RYR3: variants seen among roughly 807,000 people sequenced by gnomAD.
The protein encoded by RYR3 is ryanodine receptor 3.
In RYR3, 207 loss-of-function variants were observed where a neutral mutation model predicts 584.3. That is an observed-to-expected ratio of 0.35 (90% CI 0.32 to 0.40). RYR3 has a LOEUF of 0.40. Among genes scored for constraint, RYR3 ranks in the 10% least tolerant of loss-of-function variants. The pLI is 1.00. For missense variants in RYR3, 5,616 were observed against 6,089.2 expected (o/e 0.92, Z 2.59); for synonymous variants, 2,416 against 2,248.5 (o/e 1.07, Z -2.11).
chr15:33,386,711 A>G (rs1449752325), intron 1 of RYR3, among the ~76,000 whole-genome samples: 2 of 152,076 alleles, frequency 1.3e-5, no homozygotes, highest in African/African-American at 4.8e-5. Flanking sequence ...TCTGGCAACC[A>G]CCATTCAATT....
At chr15:33,727,347 A>G (rs567922861) in intron 46 of RYR3, among the ~76,000 whole-genome samples, 1 of 152,178 alleles carries the variant, frequency 6.6e-6, no homozygotes, top group Non-Finnish European at 1.5e-5. Flanking sequence ...AACCGTTGTC[A>G]TGTTTCCCAA....
chr15:33,788,560 A>C, intron 67 of RYR3, 102 bp downstream of exon 67: 1 of 1,369,456 alleles, frequency 7.3e-7, no homozygotes, highest in Non-Finnish European at 9.9e-7. Context: ...CAGTGAGATA[A>C]AGGAGGCGAT....
intron 53 of RYR3, among the ~76,000 whole-genome samples, chr15:33,746,822 C>T (rs62012617): frequency 0.7 from 99,484 of 141,574 alleles, 35,004 homozygotes; most frequent in East Asian, 0.87. Flanking sequence ...TTTTTTTTCT[C>T]TTTTGAGGCA....
chr15:33,635,899 C>T, intron 26 of RYR3, 80 bp downstream of exon 26: 16 of 1,232,454 alleles, frequency 1.3e-5, no homozygotes, highest in Non-Finnish European at 1.7e-5. Flanking sequence ...GCTCAAATTA[C>T]TGGATCTCTG....
Position 33,464,301 on chromosome 15 carries a change from C to T in RYR3, c.52-9118C>T, listed in dbSNP as rs939954029. 1.1e-4 allele frequency among the ~76,000 whole-genome samples: 16 copies of T among 151,518 alleles called. No individual in the cohort carries two copies. In the East Asian group the frequency reaches 3.1e-3, roughly 30 times the overall value. On this transcript the variant is annotated intron_variant, in intron 1 of 103. Coordinates refer to ENST00000634891, the MANE Select transcript of RYR3 (RefSeq NM_001036.6). Reference sequence around the variant, plus strand: ...CCTAAAGGAAGTGAGGGAGGGAGCCCTCCAGGTATGTGGGGGAAGCACATC... The same window carrying T: ...CCTAAAGGAAGTGAGGGAGGGAGCCTTCCAGGTATGTGGGGGAAGCACATC...
intron 86 of RYR3, among the ~76,000 whole-genome samples, chr15:33,833,492 G>A (rs1463492829): frequency 6.6e-6 from 1 of 152,202 alleles, no homozygotes; most frequent in Non-Finnish European, 1.5e-5. Context: ...TCACTCAAGC[G>A]TTATAAGGAC....
chr15:33,540,885 A>G lies in RYR3; in HGVS notation c.641A>G (p.Glu214Gly). The G allele has an allele frequency of 6.2e-7, 1 of 1,606,506 alleles. No homozygotes were observed. The highest frequency in any genetic ancestry group is 8.5e-7 in the Non-Finnish European group (1 of 1,173,304). The change falls in exon 7 of 104, where the codon GAA becomes GGA. Residue 214 changes from glutamate to glycine, a missense_variant. Physicochemically the swap from Glu to Gly is moderately conservative, Grantham distance 98. Around this residue, in one of 9 missense-constraint regions of RYR3, gnomAD observed 1,284 missense variants for 1,344.6 expected, o/e 0.95. Coordinates refer to ENST00000634891, the MANE Select transcript of RYR3 (RefSeq NM_001036.6). ...VHPTCSGSSI[E>G]EGYLLGGHVV... The stretch of plus-strand genomic sequence containing the variant: ...CCTACGTGCTCAGGAAGTAGCATCG[A>G]AGAAGGTGTGCTTCTTTAAATGCAT...
intron 20 of RYR3, among the ~76,000 whole-genome samples, chr15:33,624,735 C>T (rs11632361): frequency 0.29 from 44,796 of 152,092 alleles, 7,546 homozygotes; most frequent in Non-Finnish European, 0.38. Flanking sequence ...CGTGGTATTA[C>T]AAGGGGCATG....
intron 62 of RYR3, 44 bp from the exon 63 acceptor site, chr15:33,771,876 A>C (rs753559645): frequency 1.4e-6 from 2 of 1,468,456 alleles, no homozygotes; most frequent in East Asian, 4.7e-5. Flanking sequence ...GATTGGCCAA[A>C]AGTTCAGATT....
rs1166460588 is a variant in RYR3, at chr15:33,865,423, A to ACCTGT, written c.*199_*203dup. On this transcript the variant is annotated 3_prime_UTR_variant, in exon 104 of 104. Transcript: ENST00000634891. ...TAATGGACATACACTGTGGGAGAGAACCTGTCAAAATGTCGAAGAAGGAAG... is the reference window on the plus strand; with the variant it reads ...TAATGGACATACACTGTGGGAGAGAACCTGTCCTGTCAAAATGTCGAAGAAGGAAG... 1.1e-4 allele frequency: 58 copies of ACCTGT among 520,098 alleles called. 1 individual carries two copies. In the Admixed American group the frequency reaches 2.0e-3, roughly 18 times the overall value. 32.2% of individuals were successfully genotyped at this position (520,098 alleles called of 1,614,324 possible).
intron 1 of RYR3, among the ~76,000 whole-genome samples, chr15:33,365,194 C>A (rs565766835): frequency 6.6e-6 from 1 of 152,172 alleles, no homozygotes; most frequent in African/African-American, 2.4e-5. Flanking sequence ...ACTGGATAAC[C>A]CTCCTCCTTG....
rs530112209 is a variant in RYR3, at chr15:33,551,304, T to C, written c.972+988T>C. 6.9e-4 allele frequency among the ~76,000 whole-genome samples: 105 copies of C among 152,348 alleles called. 1 individual carries two copies. Among genetic ancestry groups the C allele is most frequent in the African/African-American group, 2.5e-3 (105 of 41,588 alleles). The stretch of plus-strand genomic sequence containing the variant: ...ACCTTTAGTTTCATTCTTTGCTCTT[T>C]TCCAGAAATAAATCTTGATATGTGT... On this transcript the variant is annotated intron_variant, in intron 10 of 103. Coordinates refer to ENST00000634891, the MANE Select transcript of RYR3 (RefSeq NM_001036.6).
chr15:33,691,113 AAGT>A lies in RYR3; in HGVS notation c.5861-5098_5861-5096del, dbSNP rs542848512. 6.0e-4 allele frequency among the ~76,000 whole-genome samples: 92 copies of A among 152,216 alleles called. 1 individual carries two copies. Among genetic ancestry groups the A allele is most frequent in the African/African-American group, 2.2e-3 (90 of 41,562 alleles). On this transcript the variant is annotated intron_variant, in intron 38 of 103. Transcript: ENST00000634891. ...TTCTTCTGTAAAACTATATCTGAAC[AAGT>A]AGTAGTTTCTGAAAAGTTAGTTGGC... is the stretch of plus-strand genomic sequence containing the variant.
chr15:33,490,701 T>C (rs1421390785), intron 2 of RYR3, among the ~76,000 whole-genome samples: 3 of 150,628 alleles, frequency 2.0e-5, no homozygotes, highest in Non-Finnish European at 4.4e-5. Flanking sequence ...AATATTATCC[T>C]TCAGAAAATT....
chr15:33,670,322 C>A, intron 37 of RYR3, 97 bp from the exon 38 acceptor site: 1 of 1,278,478 alleles, frequency 7.8e-7, no homozygotes, highest in Non-Finnish European at 1.1e-6. Context: ...TTAGAAAGTT[C>A]CAGAAGGATG....
At chr15:33,636,571 C>A (rs761546063) in intron 27 of RYR3, 21 bp downstream of exon 27, 1 of 1,554,462 alleles carries the variant, frequency 6.4e-7, no homozygotes, top group South Asian at 1.3e-5. Context: ...CACCCTCTGC[C>A]AACCCCAGCT....
At position 33,838,733 on chromosome 15, in the gene RYR3, G is replaced by C. The variant is rs1244182679; in HGVS notation, c.12753G>C (p.Glu4251Asp). ...FGIHDDTMEA[E>D]RAEVMEPGIT... The stretch of plus-strand genomic sequence containing the variant: ...TCCATGATGACACTATGGAGGCTGA[G>C]AGGGCAGAGGTGATGGAGCCAGGTA... Residue 4251 changes from glutamate to aspartate, a missense_variant, in exon 89 of 104, where the codon GAG becomes GAC. Transcript: ENST00000634891. 1.4e-5 allele frequency: 23 copies of C among 1,613,944 alleles called. No homozygotes were observed. Among genetic ancestry groups the C allele is most frequent in the Non-Finnish European group, 1.9e-5 (22 of 1,179,878 alleles).
intron 1 of RYR3, among the ~76,000 whole-genome samples, chr15:33,312,866 G>T (rs1246356423): frequency 1.3e-5 from 2 of 152,058 alleles, no homozygotes; most frequent in African/African-American, 4.8e-5. Context: ...AGTGTTTTTT[G>T]TTTTTGTTTG....
chr15:33,381,821 A>C (rs1159868207), intron 1 of RYR3, among the ~76,000 whole-genome samples: 1 of 152,204 alleles, frequency 6.6e-6, no homozygotes, highest in Non-Finnish European at 1.5e-5. Context: ...TGAGCACAAC[A>C]GTGCTATGGA....
Sources: allele counts gnomAD v4.1 joint callset (sites outside exome capture counted in the v4.1 genomes callset), GRCh38; gene constraint gnomAD v4.1.1; regional missense constraint gnomAD v4.1.1; transcripts MANE v1.5; gene names NCBI Gene and HGNC (gene_info 2026-07-23, HGNC 2026-07-21).